The following CACNA1H variants were observed in gnomAD, a reference collection of about 807,000 sequenced individuals.
The protein encoded by CACNA1H is voltage-dependent T-type calcium channel subunit alpha-1H.
Under a neutral mutation model 192.5 loss-of-function variants are expected in CACNA1H, and 149 were observed. The ratio of observed to expected loss-of-function variants is 0.77; its 90% confidence interval spans 0.68 to 0.89. CACNA1H has a LOEUF of 0.89. Ranked by LOEUF, CACNA1H falls within the 40% of genes least tolerant of loss-of-function variation. The pLI is 0.00. For synonymous variants in CACNA1H, 2,202 were observed against 1,475.2 expected (o/e 1.49, Z -11.29); for missense variants, 4,257 against 3,423.5 (o/e 1.24, Z -6.08).
At chr16:1,209,605 C>T in intron 17 of CACNA1H, 193 bp downstream of exon 17, 5 of 690,482 alleles carry the variant, frequency 7.2e-6, no homozygotes, top group Non-Finnish European at 1.2e-5. Flanking sequence ...CCAGAGTCCC[C>T]CCTCTGCCGT....
chr16:1,161,138 C>G (rs777752233), intron 2 of CACNA1H, among the ~76,000 whole-genome samples: 5 of 152,232 alleles, frequency 3.3e-5, no homozygotes, highest in Non-Finnish European at 7.3e-5. Context: ...AGCGAGACCT[C>G]AGCGTCTGCT....
chr16:1,218,092 G>A, intron 32 of CACNA1H, 52 bp downstream of exon 32: 1 of 1,570,378 alleles, frequency 6.4e-7, no homozygotes, highest in South Asian at 1.2e-5. Flanking sequence ...CGGTTTTTCA[G>A]GCTCTCCCAG....
At chr16:1,217,323 C>T (rs889689593) in intron 31 of CACNA1H, among the ~76,000 whole-genome samples, 9 of 152,246 alleles carry the variant, frequency 5.9e-5, no homozygotes, top group African/African-American at 2.2e-4. Context: ...ACACAGACAT[C>T]TGGAAACACA....
At chr16:1,207,495 G>C in intron 14 of CACNA1H, 65 bp downstream of exon 14, 2 of 1,535,924 alleles carry the variant, frequency 1.3e-6, no homozygotes, top group East Asian at 2.3e-5. Context: ...GCTTCAGGTC[G>C]AGGGGAGGGG....
At chr16:1,194,604 A>C (rs1320780738) in intron 2 of CACNA1H, among the ~76,000 whole-genome samples, 1 of 152,152 alleles carries the variant, frequency 6.6e-6, no homozygotes, top group Non-Finnish European at 1.5e-5. Flanking sequence ...AGCCCTATGC[A>C]ACCTGGGCCC....
Position 1,164,979 on chromosome 16 carries a change from G to A in CACNA1H, c.299+10943G>A, listed in dbSNP as rs559172049. On this transcript the variant is annotated intron_variant, in intron 2 of 34. Coordinates refer to ENST00000348261, the MANE Select transcript of CACNA1H (RefSeq NM_021098.3). ...GCAGCAGGTGGGGCCCCTCGGTCCA[G>A]CATGGGCTGACCTCAGGGTGATTTG... Among the ~76,000 whole-genome samples the A allele has an allele frequency of 5.3e-5, 8 of 152,296 alleles. 1 individual carries two copies. The highest frequency in any genetic ancestry group is 1.4e-4 in the African/African-American group (6 of 41,564).
Position 1,215,649 on chromosome 16 carries a change from G to T in CACNA1H, c.5244+56G>T. ...GGCCCCCGGAAGACGGGGTTGCAGG[G>T]AGCGCCTCGCCGTCCCCCTCTCCCC... is the stretch of plus-strand genomic sequence containing the variant. On this transcript the variant is annotated intron_variant, in intron 30 of 34. Coordinates refer to ENST00000348261, the MANE Select transcript of CACNA1H (RefSeq NM_021098.3). 4 of 1,468,674 alleles carry T rather than the reference G, an allele frequency of 2.7e-6. No homozygotes were observed. In the East Asian group the frequency reaches 7.2e-5, roughly 26 times the overall value. The allele number at this position is 1,468,674 out of a possible 1,614,324, so 91.0% of individuals were successfully genotyped here.
chr16:1,177,983 C>A (rs1405679099), intron 2 of CACNA1H, among the ~76,000 whole-genome samples: 16 of 149,692 alleles, frequency 1.1e-4, no homozygotes, highest in African/African-American at 3.9e-4. Context: ...CCCCCGGGGT[C>A]TCTCCCGCCC....
chr16:1,220,771 C>T lies in CACNA1H; in HGVS notation c.6839C>T (p.Pro2280Leu), dbSNP rs1348407436. 5 of 1,612,652 alleles carry T rather than the reference C, an allele frequency of 3.1e-6. No homozygotes were observed. In the Middle Eastern group the frequency reaches 8.3e-4, roughly 266 times the overall value. ...GACCTCGGGGTCCCCAGTGGAGACC[C>T]TTTCTTGGACGGTAGCCACAGTGTG... ...PLDLGVPSGD[P>L]FLDGSHSVTP... Residue 2280 changes from proline (P) to leucine (L), a missense_variant, in exon 35 of 35, where the codon CCT becomes CTT. By Grantham distance (98) the Pro-to-Leu change is moderately conservative. Transcript: ENST00000348261.
chr16:1,205,454 C>G (rs902492106), intron 11 of CACNA1H, among the ~76,000 whole-genome samples, 189 bp downstream of exon 11: 1 of 152,210 alleles, frequency 6.6e-6, no homozygotes, highest in African/African-American at 2.4e-5. Flanking sequence ...AGTCCCCTCC[C>G]CAGACGCTAT....
chr16:1,221,387 C>G lies in CACNA1H; in HGVS notation c.*393C>G. On this transcript the variant is annotated 3_prime_UTR_variant, in exon 35 of 35. Transcript: ENST00000348261. ...CTCGCTGGGGGCCCTGTGCCCTTGC[C>G]GGCGGCAGGTTGCAGCCACCGCGGC... is the stretch of plus-strand genomic sequence containing the variant. The G allele has an allele frequency of 3.2e-6, 1 of 309,172 alleles. No individual in the cohort carries two copies. Among genetic ancestry groups the G allele is most frequent in the South Asian group, 6.2e-5 (1 of 16,134 alleles). 19.2% of individuals were successfully genotyped at this position (309,172 alleles called of 1,614,324 possible).
rs1245634504 is a variant in CACNA1H, at chr16:1,221,510, C to T, written c.*516C>T. 3 of 421,692 alleles carry T rather than the reference C, an allele frequency of 7.1e-6. No homozygotes were observed. The highest frequency in any genetic ancestry group is 6.2e-5 in the African/African-American group (3 of 48,412). 26.1% of individuals were successfully genotyped at this position (421,692 alleles called of 1,614,324 possible). ...ACCACCCTTTCCGTTCCGCTCGGGC[C>T]TTCCCAGAAGCGTCCTGTGACTCTG... is the stretch of plus-strand genomic sequence containing the variant. On this transcript the variant is annotated 3_prime_UTR_variant, in exon 35 of 35. Transcript: ENST00000348261.
At position 1,221,707 on chromosome 16, in the gene CACNA1H, ACT is replaced by A. The variant is rs1970491679; in HGVS notation, c.*715_*716del. On this transcript the variant is annotated 3_prime_UTR_variant, in exon 35 of 35. Coordinates refer to ENST00000348261, the MANE Select transcript of CACNA1H (RefSeq NM_021098.3). Reference sequence around the variant, plus strand: ...ATGTTGCAATAATCTGATGCAGAAGACTCAGCTTCTCAAGGGAGAGGGAGGGG... The same window carrying A: ...ATGTTGCAATAATCTGATGCAGAAGACAGCTTCTCAAGGGAGAGGGAGGGG... 1 of 1,316,752 alleles carries A rather than the reference ACT, an allele frequency of 7.6e-7. No individual in the cohort carries two copies. The highest frequency in any genetic ancestry group is 1.5e-5 in the African/African-American group (1 of 68,118). The allele number at this position is 1,316,752 out of a possible 1,614,324, so 81.6% of individuals were successfully genotyped here. A position where few individuals can be genotyped will look rare whatever the true frequency, so the allele number is the denominator to read the frequency against.
intron 16 of CACNA1H, 74 bp downstream of exon 16, chr16:1,208,295 G>A (rs1169125640): frequency 3.8e-6 from 4 of 1,051,558 alleles, no homozygotes; most frequent in Admixed American, 2.1e-5. Context: ...GGCCTTCCCT[G>A]AAGATGAGTG....
At chr16:1,172,798 T>G (rs531222931) in intron 2 of CACNA1H, among the ~76,000 whole-genome samples, 1 of 152,012 alleles carries the variant, frequency 6.6e-6, no homozygotes, top group South Asian at 2.1e-4. Flanking sequence ...CCCCGAGGGC[T>G]CCTGTCCAGG....
intron 2 of CACNA1H, among the ~76,000 whole-genome samples, chr16:1,179,515 G>A (rs955699128): frequency 8.6e-5 from 13 of 151,270 alleles, no homozygotes; most frequent in African/African-American, 2.0e-4. Context: ...CCCAATCTCC[G>A]CCTCCCGGGT....
Position 1,195,558 on chromosome 16 carries a change from G to A in CACNA1H, c.538G>A (p.Val180Met), listed in dbSNP as rs1293889756. The change falls in exon 4 of 35, where the codon GTG becomes ATG. Residue 180 changes from valine to methionine, a missense_variant. Transcript: ENST00000348261. ...TWNRLDFFIV[V>M]AGMMEYSLDG... ...GAACAGGCTGGATTTCTTCATCGTC[G>A]TGGCGGGGTAGGCCCCGCCTGGGAG... is the stretch of plus-strand genomic sequence containing the variant. The A allele has an allele frequency of 1.3e-6, 2 of 1,591,978 alleles. No individual in the cohort carries two copies. Among genetic ancestry groups the A allele is most frequent in the Non-Finnish European group, 8.5e-7 (1 of 1,169,778 alleles).
At position 1,195,503 on chromosome 16, in the gene CACNA1H, C is replaced by G. The variant is rs119454947; in HGVS notation, c.483C>G (p.Phe161Leu). ...MVIKMVALGL[F>L]GQKCYLGDTW... ...TCAAGATGGTGGCCTTGGGGCTGTT[C>G]GGGCAGAAGTGTTACCTGGGTGACA... is the stretch of plus-strand genomic sequence containing the variant. Residue 161 changes from phenylalanine to leucine, a missense_variant, in exon 4 of 35, where the codon TTC becomes TTG. Phe to Leu is a conservative substitution (Grantham distance 22). Transcript: ENST00000348261. The G allele has an allele frequency of 1.7e-5, 28 of 1,600,436 alleles. No homozygotes were observed. Among genetic ancestry groups the G allele is most frequent in the Non-Finnish European group, 2.0e-5 (24 of 1,173,702 alleles).
chr16:1,200,905 T>C, intron 8 of CACNA1H, 97 bp downstream of exon 8: 1 of 868,200 alleles, frequency 1.2e-6, no homozygotes. Flanking sequence ...CTCCTGTCTG[T>C]CTTCCAGCTG....
Sources: gnomAD v4.1 joint callset for allele counts (sites outside exome capture counted in the v4.1 genomes callset) on GRCh38, gnomAD v4.1.1 for gene constraint, MANE v1.5 for transcripts, NCBI Gene and HGNC (gene_info 2026-07-23, HGNC 2026-07-21) for gene names.